The following FOXP2 variants were observed in gnomAD, a reference collection of about 807,000 sequenced individuals.
The protein encoded by FOXP2 is forkhead box protein P2.
FOXP2 carries 12 observed loss-of-function variants against 115.8 expected under a neutral mutation model. The observed-to-expected ratio is 0.10, with a 90% confidence interval of 0.07 to 0.17. FOXP2 has a LOEUF of 0.17. FOXP2 is among the 10% of genes least tolerant of loss of function. The pLI, the probability that FOXP2 is intolerant of heterozygous loss-of-function variation, is 1.00. For missense variants in FOXP2, 629 were observed against 843.5 expected, an observed-to-expected ratio of 0.75 and a Z score of 3.15; for synonymous variants, 328 against 297.7, an observed-to-expected ratio of 1.10 and a Z score of -1.05.
intron 2 of FOXP2, among the ~76,000 whole-genome samples, chr7:114,481,158 G>A (rs1314704202): frequency 6.6e-6 from 1 of 151,154 alleles, no homozygotes; most frequent in East Asian, 1.9e-4. Flanking sequence ...ACACTAACCT[G>A]AGTCATTATG....
At chr7:114,395,556 A>T (rs565947508) in intron 2 of FOXP2, among the ~76,000 whole-genome samples, 229 of 152,258 alleles carry the variant, frequency 1.5e-3, no homozygotes, top group Admixed American at 2.8e-3. Flanking sequence ...AAAGCAAGGA[A>T]TTTTTATGTG....
At chr7:114,231,278 G>A (rs147289786) in intron 1 of FOXP2, among the ~76,000 whole-genome samples, 32 of 152,156 alleles carry the variant, frequency 2.1e-4, no homozygotes, top group Non-Finnish European at 3.7e-4. Context: ...AAGAATAAAT[G>A]TTAAAATATC....
rs1484070205 is a variant in FOXP2 at position 114,313,613 on chromosome 7, C to T, written c.-11+25504C>T. Among the ~76,000 whole-genome samples, 3 of 100,944 alleles carry T rather than the reference C, an allele frequency of 3.0e-5. 1 individual carries two copies. The highest frequency in any genetic ancestry group is 2.8e-4 in the South Asian group (1 of 3,536). 66.2% of individuals were successfully genotyped at this position (100,944 alleles called of 152,430 possible). Reference sequence around the variant, plus strand: ...ACAAAAAATTAGCCGGGCGTAGTGGCGGGCGCCTGTAGTCCCAGCTACTTG... The same window carrying T: ...ACAAAAAATTAGCCGGGCGTAGTGGTGGGCGCCTGTAGTCCCAGCTACTTG... On this transcript the variant is annotated intron_variant, in intron 2 of 17. Coordinates refer to the FOXP2 transcript ENST00000634411.
chr7:114,644,758 A>G lies in FOXP2; in HGVS notation c.1063A>G (p.Ser355Gly), dbSNP rs1805778748. ...HGVCKWPGCE[S>G]ICEDFGQFLK... The stretch of plus-strand genomic sequence containing the variant: ...AGTTTGCAAATGGCCAGGCTGTGAA[A>G]GCATTTGTGAAGATTTTGGACAGTT... The change falls in exon 8 of 17, where the codon AGC becomes GGC. Residue 355 changes from serine (S) to glycine (G), a missense_variant. Physicochemically the swap from Ser to Gly is moderately conservative, Grantham distance 56 (BLOSUM62 0). Transcript: ENST00000350908. 1 of 1,613,624 alleles carries G rather than the reference A, an allele frequency of 6.2e-7. No individual in the cohort carries two copies. The highest frequency in any genetic ancestry group is 8.5e-7 in the Non-Finnish European group (1 of 1,179,870).
chr7:114,165,678 G>T (rs991441792), intron 1 of FOXP2, among the ~76,000 whole-genome samples: 4 of 152,148 alleles, frequency 2.6e-5, no homozygotes, highest in African/African-American at 9.7e-5. Flanking sequence ...TCAATATTTA[G>T]ATGTCACTTC....
intron 1 of FOXP2, among the ~76,000 whole-genome samples, chr7:114,138,393 CTTTTTT>C (rs34769199): frequency 2.2e-5 from 3 of 138,488 alleles, no homozygotes; most frequent in Non-Finnish European, 4.6e-5. Context: ...TAAGCCTATT[CTTTTTT>C]TTTTTTTTTT....
At chr7:114,329,343 C>G (rs1322495265) in intron 2 of FOXP2, among the ~76,000 whole-genome samples, 1 of 151,762 alleles carries the variant, frequency 6.6e-6, no homozygotes, top group Non-Finnish European at 1.5e-5. Flanking sequence ...CATGGTGAAA[C>G]CTGGTCTCTA....
At chr7:114,304,397 C>T (rs1796955015) in intron 2 of FOXP2, among the ~76,000 whole-genome samples, 1 of 151,782 alleles carries the variant, frequency 6.6e-6, no homozygotes, top group African/African-American at 2.4e-5. Flanking sequence ...AGATGCTGGG[C>T]ATGGTGACTC....
intron 2 of FOXP2, among the ~76,000 whole-genome samples, chr7:114,526,672 C>T (rs2129272854): frequency 6.6e-6 from 1 of 152,230 alleles, no homozygotes; most frequent in South Asian, 2.1e-4. Flanking sequence ...TGATAGGTCA[C>T]ATACAAATCA....
At chr7:114,489,511 A>G (rs897260056) in intron 2 of FOXP2, among the ~76,000 whole-genome samples, 2 of 151,760 alleles carry the variant, frequency 1.3e-5, no homozygotes, top group Non-Finnish European at 2.9e-5. Flanking sequence ...CCTCCTTTCC[A>G]GTATTTCCCA....
chr7:114,513,698 T>A (rs1289017430), intron 2 of FOXP2, among the ~76,000 whole-genome samples: 1 of 152,194 alleles, frequency 6.6e-6, no homozygotes, highest in Non-Finnish European at 1.5e-5. Flanking sequence ...TCATGTTCTT[T>A]CTGAAGTCCT....
chr7:114,233,702 T>G (rs1794942845), intron 1 of FOXP2, among the ~76,000 whole-genome samples: 1 of 152,188 alleles, frequency 6.6e-6, no homozygotes, highest in African/African-American at 2.4e-5. Flanking sequence ...AGGCAAACTG[T>G]AGTAATATGA....
chr7:114,639,751 A>G (rs972422982), intron 6 of FOXP2, among the ~76,000 whole-genome samples: 1 of 152,202 alleles, frequency 6.6e-6, no homozygotes, highest in African/African-American at 2.4e-5. Context: ...GTATAACAGA[A>G]TGAAAAGTGA....
intron 2 of FOXP2, among the ~76,000 whole-genome samples, chr7:114,520,764 A>G (rs1377255882): frequency 1.3e-5 from 2 of 152,066 alleles, no homozygotes; most frequent in African/African-American, 4.8e-5. Context: ...AGAAAATACT[A>G]AAAAAAGAAT....
chr7:114,133,157 G>T (rs1219183361), intron 1 of FOXP2, among the ~76,000 whole-genome samples: 1 of 152,198 alleles, frequency 6.6e-6, no homozygotes, highest in Non-Finnish European at 1.5e-5. Context: ...TTCCTTAACA[G>T]ATTAAGTGTA....
At chr7:114,255,065 C>G (rs536910271) in intron 1 of FOXP2, among the ~76,000 whole-genome samples, 2 of 152,210 alleles carry the variant, frequency 1.3e-5, no homozygotes, top group East Asian at 1.9e-4. Flanking sequence ...CACTCCAGAC[C>G]CTGTTTGCCT....
chr7:114,376,394 C>T (rs1170026190), intron 2 of FOXP2, among the ~76,000 whole-genome samples: 1 of 152,204 alleles, frequency 6.6e-6, no homozygotes, highest in Non-Finnish European at 1.5e-5. Context: ...GATGATTTCA[C>T]CTACTCCACA....
chr7:114,514,544 A>G (rs556870263), intron 2 of FOXP2, among the ~76,000 whole-genome samples: 1 of 152,124 alleles, frequency 6.6e-6, no homozygotes, highest in South Asian at 2.1e-4. Flanking sequence ...TACTTAACAT[A>G]ATGTCCTCTA....
chr7:114,417,478 A>G (rs1226457396), intron 1 of FOXP2, among the ~76,000 whole-genome samples: 1 of 151,966 alleles, frequency 6.6e-6, no homozygotes, highest in African/African-American at 2.4e-5. Flanking sequence ...ATCACTTTGA[A>G]ATGCTAATTA....
Sources: allele counts gnomAD v4.1 joint callset (sites outside exome capture counted in the v4.1 genomes callset), GRCh38; gene constraint gnomAD v4.1.1; transcripts MANE v1.5; gene names NCBI Gene and HGNC (gene_info 2026-07-23, HGNC 2026-07-21).